Variants in CEP83 observed in about 807,000 individuals in gnomAD.
CEP83 encodes the protein centrosomal protein 83, also known as centrosomal protein of 83 kDa.
CEP83 carries 70 observed loss-of-function variants against 101.9 expected under a neutral mutation model. That is an observed-to-expected ratio of 0.69 (90% CI 0.57 to 0.84). CEP83 has a LOEUF of 0.84. Ranked by LOEUF, CEP83 falls within the 40% of genes least tolerant of loss-of-function variation. The pLI is 0.00. For synonymous variants in CEP83, 264 were observed against 267.9 expected (o/e 0.99, Z 0.14); for missense variants, 715 against 787.2 (o/e 0.91, Z 1.10).
chr12:94,427,846 T>C (rs2065322921), intron 2 of CEP83, among the ~76,000 whole-genome samples: 1 of 152,182 alleles, frequency 6.6e-6, no homozygotes, highest in African/African-American at 2.4e-5. Flanking sequence ...AATCCTGCAC[T>C]AGTCACCCAA....
chr12:94,447,544 T>C (rs1028405757), intron 1 of CEP83, among the ~76,000 whole-genome samples: 2 of 152,136 alleles, frequency 1.3e-5, no homozygotes, highest in Non-Finnish European at 2.9e-5. Context: ...ATGAAGCTCA[T>C]TGGAAACTGT....
chr12:94,280,617 C>T, the CEP83 span, among the ~76,000 whole-genome samples: 7 of 152,306 alleles, frequency 4.6e-5, no homozygotes, highest in East Asian at 1.4e-3. Flanking sequence ...ACCGTTGAGT[C>T]ACTTGAGGAC....
chr12:94,342,053 A>C (rs2059709901), intron 11 of CEP83, among the ~76,000 whole-genome samples: 1 of 152,222 alleles, frequency 6.6e-6, no homozygotes, highest in Non-Finnish European at 1.5e-5. Context: ...ACCCATCTAA[A>C]AGCAAAAGGA....
rs926883077 is a variant in CEP83, at chr12:94,347,000, G to A, written c.1344-11336C>T. ...TTGCAGTGAGCTGAGATGGCACCAC[G>A]GCACTCCAGCCTGGGCAACAGAGCA... On this transcript the variant is annotated intron_variant, in intron 11 of 16. Coordinates refer to ENST00000397809, the MANE Select transcript of CEP83 (RefSeq NM_016122.3). Among the ~76,000 whole-genome samples, 27 of 149,164 alleles carry A rather than the reference G, an allele frequency of 1.8e-4. 1 individual carries two copies. Among genetic ancestry groups the A allele is most frequent in the African/African-American group, 6.2e-4 (25 of 40,550 alleles).
intron 11 of CEP83, among the ~76,000 whole-genome samples, chr12:94,336,747 T>C (rs1299073651): frequency 6.6e-6 from 1 of 152,208 alleles, no homozygotes; most frequent in Non-Finnish European, 1.5e-5. Context: ...TATTTCATAA[T>C]TCTAGCTACA....
At chr12:94,356,809 G>A (rs2060497944) in intron 11 of CEP83, among the ~76,000 whole-genome samples, 1 of 152,134 alleles carries the variant, frequency 6.6e-6, no homozygotes, top group Non-Finnish European at 1.5e-5. Flanking sequence ...AAATTTGGTG[G>A]GCAGATGAAG....
chr12:94,347,482 A>G (rs1440633177), intron 11 of CEP83, among the ~76,000 whole-genome samples: 1 of 152,234 alleles, frequency 6.6e-6, no homozygotes, highest in Non-Finnish European at 1.5e-5. Context: ...GTGTTTCCAC[A>G]TTGGAAAACA....
intron 11 of CEP83, among the ~76,000 whole-genome samples, chr12:94,345,023 G>C (rs1199656860): frequency 6.6e-6 from 1 of 152,072 alleles, no homozygotes; most frequent in African/African-American, 2.4e-5. Context: ...AATTCAGTGA[G>C]GGAAAAGATA....
the CEP83 span, among the ~76,000 whole-genome samples, chr12:94,274,768 C>G: frequency 6.6e-6 from 1 of 152,172 alleles, no homozygotes; most frequent in Non-Finnish European, 1.5e-5. Flanking sequence ...CTTGAGTACC[C>G]GGTTCTACCA....
Position 94,375,880 on chromosome 12 carries a change from A to G in CEP83, c.933+6T>C, listed in dbSNP as rs1247368513. On this transcript the variant is annotated splice_donor_region_variant and intron_variant, in intron 8 of 16. Transcript: ENST00000397809. ...AAGAATGAAACAGAAACATAAAACA[A>G]CTTACTTTACTGGACAATGTATTTA... is the stretch of plus-strand genomic sequence containing the variant. The G allele has an allele frequency of 7.1e-7, 1 of 1,411,178 alleles. No individual in the cohort carries two copies. Among genetic ancestry groups the G allele is most frequent in the Non-Finnish European group, 9.5e-7 (1 of 1,049,552 alleles). 87.4% of individuals were successfully genotyped at this position (1,411,178 alleles called of 1,614,324 possible). A position where few individuals can be genotyped will look rare whatever the true frequency, so the allele number is the denominator to read the frequency against.
intron 11 of CEP83, among the ~76,000 whole-genome samples, chr12:94,349,277 C>T (rs978473688): frequency 2.1e-5 from 3 of 140,664 alleles, no homozygotes; most frequent in Non-Finnish European, 4.5e-5. Flanking sequence ...AAGAGCAAGA[C>T]TCTGTCTCAA....
chr12:94,313,610 G>A (rs891716807), intron 14 of CEP83, among the ~76,000 whole-genome samples: 11 of 151,324 alleles, frequency 7.3e-5, no homozygotes, highest in African/African-American at 1.2e-4. Context: ...AGGCCGAGGC[G>A]GACAGATCAC....
chr12:94,453,384 G>T (rs2067403081), intron 1 of CEP83, among the ~76,000 whole-genome samples: 1 of 152,170 alleles, frequency 6.6e-6, no homozygotes, highest in Non-Finnish European at 1.5e-5. Flanking sequence ...ACACTTACAA[G>T]ATTCTAAAGA....
chr12:94,325,917 A>G (rs1013035388), intron 14 of CEP83, among the ~76,000 whole-genome samples: 1 of 152,098 alleles, frequency 6.6e-6, no homozygotes, highest in African/African-American at 2.4e-5. Flanking sequence ...AGACCTATGG[A>G]ATTGTATAAG....
the CEP83 span, among the ~76,000 whole-genome samples, chr12:94,281,359 C>A: frequency 3.3e-5 from 5 of 152,108 alleles, no homozygotes; most frequent in Non-Finnish European, 7.4e-5. Flanking sequence ...AGCAGAGACT[C>A]AAAAACGCAG....
chr12:94,303,427 T>G (rs1168341203), downstream of CEP83, among the ~76,000 whole-genome samples: 1 of 152,208 alleles, frequency 6.6e-6, no homozygotes, highest in Non-Finnish European at 1.5e-5. Flanking sequence ...CCATTAGTAA[T>G]GAACTATGAT....
At chr12:94,390,882 T>C (rs1294832552) in intron 6 of CEP83, among the ~76,000 whole-genome samples, 2 of 151,890 alleles carry the variant, frequency 1.3e-5, no homozygotes, top group Non-Finnish European at 2.9e-5. Flanking sequence ...CATCAGTGAT[T>C]GAAGATCAAA....
At chr12:94,388,772 A>G (rs1205358870) in intron 6 of CEP83, among the ~76,000 whole-genome samples, 1 of 152,210 alleles carries the variant, frequency 6.6e-6, no homozygotes, top group Non-Finnish European at 1.5e-5. Flanking sequence ...GTGTGTTATT[A>G]TTAATGGAAA....
intron 11 of CEP83, among the ~76,000 whole-genome samples, chr12:94,341,527 A>G (rs1370438799): frequency 6.6e-6 from 1 of 150,656 alleles, no homozygotes; most frequent in Non-Finnish European, 1.5e-5. Flanking sequence ...GTCAAGGAAA[A>G]AATACCACAA....
Sources: allele counts gnomAD v4.1 joint callset (sites outside exome capture counted in the v4.1 genomes callset), GRCh38; gene constraint gnomAD v4.1.1; transcripts MANE v1.5; gene names NCBI Gene and HGNC (gene_info 2026-07-23, HGNC 2026-07-21).